Variants in AMMECR1 observed in about 807,000 individuals in gnomAD.
AMMECR1 encodes AMMECR nuclear protein 1.
AMMECR1 carries 3 observed loss-of-function variants against 22.5 expected under a neutral mutation model. The ratio of observed to expected loss-of-function variants is 0.13; its 90% CI spans 0.06 to 0.35. AMMECR1 has a LOEUF of 0.35. Ranked by LOEUF, AMMECR1 falls within the 10% of genes least tolerant of loss-of-function variation. The probability of loss-of-function intolerance (pLI) is 1.00; values close to 1 mark genes in which losing one functional copy is unlikely to be tolerated. For synonymous variants in AMMECR1, 130 were observed against 116.7 expected (o/e 1.11, Z -0.74); for missense variants, 235 against 278.7 (o/e 0.84, Z 1.12).
At chrX:110,247,447 T>A (rs994144768) in intron 2 of AMMECR1, among the ~76,000 whole-genome samples, 1 of 111,912 alleles carries the variant, frequency 8.9e-6, no homozygotes, top group Non-Finnish European at 1.9e-5. Context: ...TCCCAACACG[T>A]TGGGAGGCCG....
At chrX:110,374,233 T>C (rs1007380650) in intron 2 of AMMECR1, among the ~76,000 whole-genome samples, 1 of 112,040 alleles carries the variant, frequency 8.9e-6, no homozygotes, top group African/African-American at 3.2e-5. Context: ...ACATCAAAGA[T>C]AAAATGAAAA....
chrX:110,417,997 T>G (rs1055982787), intron 2 of AMMECR1, among the ~76,000 whole-genome samples: 1 of 112,740 alleles, frequency 8.9e-6, no homozygotes, highest in Non-Finnish European at 1.9e-5. Context: ...AAAAGCTTCA[T>G]GCCAGAGATG....
At chrX:110,265,754 TG>T (rs2067765469) in intron 1 of AMMECR1, among the ~76,000 whole-genome samples, 1 of 112,237 alleles carries the variant, frequency 8.9e-6, no homozygotes, top group Non-Finnish European at 1.9e-5. Flanking sequence ...ATATACCATA[TG>T]TTTTTTTCCT....
intron 1 of AMMECR1, among the ~76,000 whole-genome samples, chrX:110,433,455 G>A (rs1028650946): frequency 3.6e-5 from 4 of 111,531 alleles, no homozygotes; most frequent in African/African-American, 9.8e-5. Context: ...ATGGGAGGAT[G>A]ACTAGGAAGG....
rs983504006 is a variant in AMMECR1 at position 110,266,473 on chromosome X, C to T, written c.474-1874G>A. ...TCTCAGCTCACTGCGACCTCCGTCA[C>T]CTGGGTTCAAGCAATTCTCCTGCCT... On this transcript the variant is annotated intron_variant, in intron 1 of 5. Coordinates refer to ENST00000262844, the MANE Select transcript of AMMECR1 (RefSeq NM_015365.3). Among the ~76,000 whole-genome samples, 6 of 110,882 alleles carry T rather than the reference C, an allele frequency of 5.4e-5. No homozygotes were observed. The Admixed American group carries it at 5.7e-4, about 11-fold the overall frequency.
At chrX:110,239,133 C>T (rs1013900975) in intron 2 of AMMECR1, among the ~76,000 whole-genome samples, 11 of 111,403 alleles carry the variant, frequency 9.9e-5, no homozygotes, top group Middle Eastern at 9.3e-3. Flanking sequence ...AAAACCAGAA[C>T]GCCTCTTCTC....
intron 1 of AMMECR1, among the ~76,000 whole-genome samples, chrX:110,295,062 C>T (rs950080735): frequency 9.0e-6 from 1 of 110,587 alleles, no homozygotes; most frequent in African/African-American, 3.3e-5. Context: ...TATTGATGTG[C>T]CATAATTATT....
chrX:110,407,281 C>T (rs1454528389), intron 2 of AMMECR1, among the ~76,000 whole-genome samples: 1 of 111,845 alleles, frequency 8.9e-6, no homozygotes, highest in East Asian at 2.8e-4. Context: ...TGAAGAGAGT[C>T]CTTGAGATTT....
chrX:110,401,050 C>T lies in AMMECR1; in HGVS notation c.-148+25608G>A, dbSNP rs148209441. On this transcript the variant is annotated intron_variant, in intron 2 of 7. Transcript: ENST00000372057. ...TGAACCATTTACACAAACAATCTCA[C>T]GTCTCAAGTCGATGTTTTTATTTTC... 1.7e-3 allele frequency among the ~76,000 whole-genome samples: 196 copies of T among 112,298 alleles called. 1 individual carries two copies. In the East Asian group the frequency reaches 0.042, roughly 24 times the overall value.
rs768410262 is a variant in AMMECR1, at chrX:110,370,978, T to C, written c.-147-53129A>G. Among the ~76,000 whole-genome samples the C allele has an allele frequency of 2.7e-5, 3 of 112,281 alleles. No homozygotes were observed. The East Asian group carries it at 8.4e-4, about 31-fold the overall frequency. On this transcript the variant is annotated intron_variant, in intron 2 of 7. Transcript: ENST00000372057. The stretch of plus-strand genomic sequence containing the variant: ...TGACAATTTAATCAAACTAAGGTAG[T>C]GCCTGCATCTCAAATACCCCTTAAG...
chrX:110,399,823 T>C (rs1030216203), intron 2 of AMMECR1, among the ~76,000 whole-genome samples: 1 of 111,930 alleles, frequency 8.9e-6, no homozygotes, highest in Non-Finnish European at 1.9e-5. Flanking sequence ...GGGAGTTCTA[T>C]GGAGTTCGAA....
At chrX:110,292,654 AAAAAGGCAAAATTGT>A (rs113283706) in intron 1 of AMMECR1, among the ~76,000 whole-genome samples, 47 of 112,652 alleles carry the variant, frequency 4.2e-4, no homozygotes, top group African/African-American at 1.4e-3. Flanking sequence ...TGACACTCTG[AAAAAGGCAAAATTGT>A]GGAGACAGTA....
intron 2 of AMMECR1, among the ~76,000 whole-genome samples, chrX:110,242,385 A>G (rs1320820994): frequency 3.6e-5 from 4 of 112,087 alleles, no homozygotes; most frequent in African/African-American, 1.3e-4. Flanking sequence ...TAAAATAATC[A>G]TAGGTCAATG....
intron 2 of AMMECR1, among the ~76,000 whole-genome samples, chrX:110,399,744 C>T (rs2068551549): frequency 8.9e-6 from 1 of 111,895 alleles, no homozygotes; most frequent in Admixed American, 9.5e-5. Flanking sequence ...AAAACCCATG[C>T]TAGCATAAGA....
chrX:110,207,537 T>C (rs1050364163), intron 3 of AMMECR1, among the ~76,000 whole-genome samples: 22 of 110,471 alleles, frequency 2.0e-4, no homozygotes, highest in East Asian at 2.8e-4. Flanking sequence ...CCAAATCTGA[T>C]ACTACCAAAA....
rs376723917 is a variant in AMMECR1, at chrX:110,249,629, C to T, written c.584+14860G>A. ...AAGAAAAGGGAAATCTGGCTGGGTG[C>T]GGTGGCTCACACCTGTAATCCCAGC... On this transcript the variant is annotated intron_variant, in intron 2 of 5. Transcript: ENST00000262844. Among the ~76,000 whole-genome samples, 9 of 111,675 alleles carry T rather than the reference C, an allele frequency of 8.1e-5. No homozygotes were observed. In the South Asian group the frequency reaches 1.9e-3, roughly 23 times the overall value.
In AMMECR1 at chrX:110,197,020, C is replaced by A. The variant is rs1415431948; in HGVS notation, c.*1500G>T. 1 of 112,249 alleles carries A rather than the reference C, an allele frequency of 8.9e-6. No individual in the cohort carries two copies. Among genetic ancestry groups the A allele is most frequent in the Non-Finnish European group, 1.9e-5 (1 of 53,198 alleles). 9.3% of individuals were successfully genotyped at this position (112,249 alleles called of 1,213,427 possible). ...TTTTCCAAAGACACACAGACACACA[C>A]ACATAACCATAAAATGAAGGTCATC... On this transcript the variant is annotated 3_prime_UTR_variant, in exon 6 of 6. Coordinates refer to ENST00000262844, the MANE Select transcript of AMMECR1 (RefSeq NM_015365.3).
chrX:110,206,579 G>C (rs1305608121), intron 3 of AMMECR1, among the ~76,000 whole-genome samples: 1 of 112,017 alleles, frequency 8.9e-6, no homozygotes, highest in Non-Finnish European at 1.9e-5. Flanking sequence ...ACATGAAAAA[G>C]AGTCATCTGG....
At chrX:110,358,843 A>G (rs1471167448) in intron 2 of AMMECR1, 1 of 111,649 alleles carries the variant, frequency 9.0e-6, no homozygotes, top group African/African-American at 3.3e-5. Flanking sequence ...ACTGGAGAGC[A>G]AGTCAGAACT....
Sources: allele counts gnomAD v4.1 joint callset (sites outside exome capture counted in the v4.1 genomes callset), GRCh38; gene constraint gnomAD v4.1.1; transcripts MANE v1.5; gene names NCBI Gene and HGNC (gene_info 2026-07-23, HGNC 2026-07-21).